RBPJ: variants seen among roughly 807,000 people sequenced by gnomAD.
The protein encoded by RBPJ is recombining binding protein suppressor of hairless.
A neutral mutation model predicts 67.8 loss-of-function variants in RBPJ; 9 were observed. The ratio of observed to expected loss-of-function variants is 0.13; its 90% CI spans 0.08 to 0.23. The LOEUF (loss-of-function observed/expected upper bound fraction) is 0.23, where lower values mean the gene tolerates loss of function less well. Among genes scored for constraint, RBPJ ranks in the 10% least tolerant of loss-of-function variants. RBPJ has a pLI of 1.00. For synonymous variants in RBPJ, 198 were observed against 203.3 expected, an observed-to-expected ratio of 0.97 and a Z score of 0.22; for missense variants, 305 against 595.6, an observed-to-expected ratio of 0.51 and a Z score of 5.08.
Position 26,416,050 on chromosome 4 carries a change from A to C in RBPJ, c.321+410A>C, listed in dbSNP as rs1279239376. Among the ~76,000 whole-genome samples the C allele has an allele frequency of 2.6e-5, 4 of 152,192 alleles. No individual in the cohort carries two copies. In the East Asian group the frequency reaches 7.7e-4, roughly 29 times the overall value. On this transcript the variant is annotated intron_variant, in intron 4 of 10. Transcript: ENST00000355476. ...AGACACGATGATATATACATTGTGG[A>C]AAGCATTTATCTGGGTTATAACGAT...
Position 26,277,855 on chromosome 4 carries a change from G to C in RBPJ, c.-166-84591G>C, listed in dbSNP as rs1441374700. Among the ~76,000 whole-genome samples, 3 of 152,172 alleles carry C rather than the reference G, an allele frequency of 2.0e-5. No homozygotes were observed. The East Asian group carries it at 5.8e-4, about 29-fold the overall frequency. ...TTTAAATGTATTACTCTCTCCCATA[G>C]GTTTCTATCGGGCTTTAAAATATTC... On this transcript the variant is annotated intron_variant, in intron 1 of 4. Transcript: ENST00000512351.
At chr4:26,346,273 G>A (rs1036088337) in intron 1 of RBPJ, among the ~76,000 whole-genome samples, 1 of 152,212 alleles carries the variant, frequency 6.6e-6, no homozygotes, top group Non-Finnish European at 1.5e-5. Flanking sequence ...GACTTCCAGA[G>A]AGGAAAAGAC....
intron 1 of RBPJ, among the ~76,000 whole-genome samples, chr4:26,249,525 G>A (rs187627238): frequency 6.6e-6 from 1 of 151,956 alleles, no homozygotes; most frequent in South Asian, 2.1e-4. Context: ...GCCGGGCATG[G>A]TGGTGGGTGC....
chr4:26,337,327 G>A (rs1250290678), intron 1 of RBPJ, among the ~76,000 whole-genome samples: 2 of 152,142 alleles, frequency 1.3e-5, no homozygotes, highest in Non-Finnish European at 2.9e-5. Flanking sequence ...ATGTAAATGC[G>A]TACATAATCT....
At chr4:26,197,465 C>T (rs1169063824) in intron 1 of RBPJ, among the ~76,000 whole-genome samples, 3 of 152,132 alleles carry the variant, frequency 2.0e-5, no homozygotes, top group African/African-American at 7.2e-5. Flanking sequence ...GCCAAGGAGC[C>T]AGCTCAAGGT....
the RBPJ span, among the ~76,000 whole-genome samples, chr4:26,133,921 G>A: frequency 6.6e-6 from 1 of 152,124 alleles, no homozygotes; most frequent in African/African-American, 2.4e-5. Context: ...CTTTAAAGAT[G>A]AAGGAAGGAA....
chr4:26,263,423 C>G (rs575470334), intron 1 of RBPJ, among the ~76,000 whole-genome samples: 1 of 150,866 alleles, frequency 6.6e-6, no homozygotes, highest in African/African-American at 2.4e-5. Flanking sequence ...CAGCTATCTA[C>G]CTGGGCAAAG....
intron 1 of RBPJ, among the ~76,000 whole-genome samples, chr4:26,266,966 A>T (rs1429083315): frequency 6.6e-6 from 1 of 152,164 alleles, no homozygotes; most frequent in Non-Finnish European, 1.5e-5. Context: ...AGCTCTATAG[A>T]GGTTCTTTTC....
intron 1 of RBPJ, among the ~76,000 whole-genome samples, chr4:26,352,792 C>T (rs1347858280): frequency 6.6e-6 from 1 of 152,210 alleles, no homozygotes; most frequent in Non-Finnish European, 1.5e-5. Flanking sequence ...GTTCATAGGG[C>T]TTGTTTTGTC....
At chr4:26,169,567 CA>C (rs1360477383) in intron 1 of RBPJ, among the ~76,000 whole-genome samples, 1 of 152,188 alleles carries the variant, frequency 6.6e-6, no homozygotes, top group African/African-American at 2.4e-5. Flanking sequence ...CTCAGATCTC[CA>C]GCTGCGTGCT....
chr4:26,428,910 T>C, intron 8 of RBPJ, 50 bp downstream of exon 8: 3 of 1,432,064 alleles, frequency 2.1e-6, no homozygotes, highest in South Asian at 1.2e-5. Context: ...ACTGTGAGGT[T>C]AGCAGCTTGC....
At chr4:26,239,732 A>AGGGGG (rs1719572339) in intron 1 of RBPJ, among the ~76,000 whole-genome samples, 1 of 130,392 alleles carries the variant, frequency 7.7e-6, no homozygotes. Context: ...AGAAGAGGGG[A>AGGGGG]GGGGAGGGGA....
chr4:26,302,190 G>A lies in RBPJ; in HGVS notation c.-166-60256G>A, dbSNP rs116692045. Among the ~76,000 whole-genome samples the A allele has an allele frequency of 2.9e-3, 445 of 152,286 alleles. 5 individuals carry two copies. Among genetic ancestry groups the A allele is most frequent in the Middle Eastern group, 0.014 (4 of 294 alleles). On this transcript the variant is annotated intron_variant, in intron 1 of 4. Coordinates refer to the RBPJ transcript ENST00000512351. ...AAAGTCTGATGACACACTTCCTGAT[G>A]GAACCTTAGCCATTGGAGCTGTCAA...
intron 1 of RBPJ, among the ~76,000 whole-genome samples, chr4:26,246,352 T>G (rs1719928122): frequency 6.6e-6 from 1 of 152,252 alleles, no homozygotes; most frequent in Non-Finnish European, 1.5e-5. Flanking sequence ...TTTTTAAATT[T>G]CATTTTCAGA....
intron 1 of RBPJ, among the ~76,000 whole-genome samples, chr4:26,354,950 C>T (rs1727203877): frequency 6.6e-6 from 1 of 152,106 alleles, no homozygotes; most frequent in African/African-American, 2.4e-5. Flanking sequence ...GTTTTTCAGG[C>T]TTATATTCTC....
chr4:26,373,792 T>C (rs1435678855), intron 1 of RBPJ, among the ~76,000 whole-genome samples: 2 of 152,222 alleles, frequency 1.3e-5, no homozygotes, highest in Non-Finnish European at 2.9e-5. Context: ...GCATCAGATT[T>C]ATGACATACA....
chr4:26,340,828 C>T (rs1449787557), intron 1 of RBPJ, among the ~76,000 whole-genome samples: 3 of 148,620 alleles, frequency 2.0e-5, no homozygotes, highest in African/African-American at 7.5e-5. Flanking sequence ...CACTGCACTC[C>T]AGCCTGGCAA....
chr4:26,388,846 C>T (rs780935063), intron 2 of RBPJ, among the ~76,000 whole-genome samples: 1 of 152,062 alleles, frequency 6.6e-6, no homozygotes, highest in South Asian at 2.1e-4. Context: ...AGTTAGTCAT[C>T]GTAGGAAGAG....
At chr4:26,181,828 G>A (rs144058198) in intron 1 of RBPJ, among the ~76,000 whole-genome samples, 2,092 of 152,314 alleles carry the variant, frequency 0.014, 22 homozygotes, top group Non-Finnish European at 0.017. Context: ...CACTTACCGG[G>A]AATGGAGCTC....
Sources: gnomAD v4.1 joint callset for allele counts (sites outside exome capture counted in the v4.1 genomes callset) on GRCh38, gnomAD v4.1.1 for gene constraint, MANE v1.5 for transcripts, NCBI Gene and HGNC (gene_info 2026-07-23, HGNC 2026-07-21) for gene names.